KLF12: variants seen among roughly 807,000 people sequenced by gnomAD.
The protein encoded by KLF12 is Krueppel-like factor 12.
In KLF12, 9 loss-of-function variants were observed where a neutral mutation model predicts 37.8. The ratio of observed to expected loss-of-function variants is 0.24; its 90% CI spans 0.14 to 0.42. KLF12 has a LOEUF of 0.42. Among genes scored for constraint, KLF12 ranks in the 10% least tolerant of loss-of-function variants. The pLI is 1.00. For missense variants in KLF12, 411 were observed against 516.0 expected (o/e 0.80, Z 1.97); for synonymous variants, 208 against 202.1 (o/e 1.03, Z -0.25).
At position 73,875,185 on chromosome 13, in the gene KLF12, G is replaced by A. The variant is rs1886647603; in HGVS notation, c.124-28812C>T. Among the ~76,000 whole-genome samples the A allele has an allele frequency of 1.3e-5, 2 of 151,576 alleles. 1 individual carries two copies. The highest frequency in any genetic ancestry group is 4.1e-4 in the South Asian group (2 of 4,822). On this transcript the variant is annotated intron_variant, in intron 3 of 7. Transcript: ENST00000377669. ...TTTGTAATATTTGAAATATACAAAA[G>A]AATACAATTAATATAAGTTAGGAAG...
chr13:73,855,532 T>C (rs540161768), intron 3 of KLF12, among the ~76,000 whole-genome samples: 33 of 152,348 alleles, frequency 2.2e-4, no homozygotes, highest in Admixed American at 1.7e-3. Flanking sequence ...GTCTTTGTTA[T>C]TGTGAATAGT....
rs554910786 is a variant in KLF12, at chr13:73,925,931, G to A, written c.123+18050C>T. On this transcript the variant is annotated intron_variant, in intron 3 of 7. Transcript: ENST00000377669. ...ACTAGAACTAGAAGTAAAGCTTGAA[G>A]ACATGATGGAATTGCTTCAATCTCA... 5.3e-5 allele frequency among the ~76,000 whole-genome samples: 8 copies of A among 152,336 alleles called. No homozygotes were observed. The South Asian group carries it at 1.7e-3, about 32-fold the overall frequency.
At chr13:74,202,601 G>T in the KLF12 span, among the ~76,000 whole-genome samples, 2 of 152,078 alleles carry the variant, frequency 1.3e-5, no homozygotes, top group African/African-American at 4.8e-5. Flanking sequence ...ACCTCCAAGG[G>T]CCAACCTCTC....
At chr13:74,021,528 C>T (rs984043722) in intron 1 of KLF12, among the ~76,000 whole-genome samples, 1 of 152,042 alleles carries the variant, frequency 6.6e-6, no homozygotes, top group Admixed American at 6.6e-5. Context: ...CATAATAGAT[C>T]CAGAGGAGGG....
At chr13:74,137,499 T>C (rs191165453), upstream of KLF12, among the ~76,000 whole-genome samples, 389 of 152,324 alleles carry the variant, frequency 2.6e-3, 5 homozygotes, top group African/African-American at 8.4e-3. Context: ...TATTCTTAAT[T>C]TCTTACACAT....
At chr13:73,848,122 G>A (rs918069511) in intron 3 of KLF12, among the ~76,000 whole-genome samples, 2 of 152,078 alleles carry the variant, frequency 1.3e-5, no homozygotes, top group Admixed American at 6.5e-5. Context: ...TCCTTTTACC[G>A]TATCAACATA....
the KLF12 span, among the ~76,000 whole-genome samples, chr13:74,223,100 T>G: frequency 4.7e-4 from 71 of 152,316 alleles, no homozygotes; most frequent in African/African-American, 1.7e-3. Flanking sequence ...TCTGGATCCT[T>G]TTTGTGGCGC....
chr13:74,034,256 A>G (rs917524361), intron 1 of KLF12, among the ~76,000 whole-genome samples: 7 of 151,450 alleles, frequency 4.6e-5, no homozygotes, highest in Non-Finnish European at 7.4e-5. Context: ...TTTAGTAGAG[A>G]TGGGTTTTCG....
intron 1 of KLF12, among the ~76,000 whole-genome samples, chr13:74,131,907 T>G (rs1453186933): frequency 1.3e-5 from 2 of 152,186 alleles, no homozygotes; most frequent in African/African-American, 4.8e-5. Flanking sequence ...GCTTAATATA[T>G]TCAATCTAGT....
At chr13:74,200,330 T>C in the KLF12 span, among the ~76,000 whole-genome samples, 2,194 of 152,224 alleles carry the variant, frequency 0.014, 54 homozygotes, top group African/African-American at 0.049. Flanking sequence ...TATATGTTTA[T>C]TGGCAGTAGA....
At chr13:74,004,901 C>A (rs1892371576) in intron 1 of KLF12, among the ~76,000 whole-genome samples, 1 of 151,264 alleles carries the variant, frequency 6.6e-6, no homozygotes, top group South Asian at 2.1e-4. Context: ...TCTCTTTCTC[C>A]TTTCCTCACC....
chr13:74,111,403 A>G (rs990345965), intron 1 of KLF12, among the ~76,000 whole-genome samples: 1 of 152,150 alleles, frequency 6.6e-6, no homozygotes, highest in East Asian at 1.9e-4. Flanking sequence ...TGTTTTGTTG[A>G]CATCAAAAAT....
At chr13:73,710,418 G>GTT (rs1171752024) in intron 7 of KLF12, among the ~76,000 whole-genome samples, 1 of 140,858 alleles carries the variant, frequency 7.1e-6, no homozygotes, top group Non-Finnish European at 1.6e-5. Context: ...GTGTGTGTGT[G>GTT]TTTACAAATT....
chr13:74,268,231 C>A, the KLF12 span, among the ~76,000 whole-genome samples: 1 of 152,132 alleles, frequency 6.6e-6, no homozygotes. Flanking sequence ...ATTATTAGTC[C>A]ATTTTTAGCT....
At chr13:73,705,079 T>C (rs1874834605) in intron 7 of KLF12, among the ~76,000 whole-genome samples, 1 of 152,216 alleles carries the variant, frequency 6.6e-6, no homozygotes, top group Non-Finnish European at 1.5e-5. Context: ...TTAATACTAG[T>C]GCCACTTACA....
intron 1 of KLF12, among the ~76,000 whole-genome samples, chr13:74,027,052 G>T (rs1489765643): frequency 6.6e-6 from 1 of 152,188 alleles, no homozygotes; most frequent in East Asian, 1.9e-4. Flanking sequence ...GAGCCAGCAA[G>T]TTAGACAGTG....
At chr13:73,860,816 T>G (rs563822423) in intron 3 of KLF12, among the ~76,000 whole-genome samples, 1 of 152,296 alleles carries the variant, frequency 6.6e-6, no homozygotes, top group African/African-American at 2.4e-5. Context: ...AAAATGAAAG[T>G]TGAAAGTTTC....
intron 3 of KLF12, among the ~76,000 whole-genome samples, chr13:73,894,563 T>G (rs1887667836): frequency 6.6e-6 from 1 of 152,256 alleles, no homozygotes; most frequent in Non-Finnish European, 1.5e-5. Flanking sequence ...CCCACTCTAC[T>G]AAACTCATCA....
chr13:73,729,883 G>A (rs1448171799), intron 6 of KLF12, among the ~76,000 whole-genome samples: 3 of 101,362 alleles, frequency 3.0e-5, no homozygotes, highest in Admixed American at 9.8e-5. Flanking sequence ...AGTGTAGAAC[G>A]TGGACAGCTC....
Sources: gnomAD v4.1 joint callset for allele counts (sites outside exome capture counted in the v4.1 genomes callset) on GRCh38, gnomAD v4.1.1 for gene constraint, MANE v1.5 for transcripts, NCBI Gene and HGNC (gene_info 2026-07-23, HGNC 2026-07-21) for gene names.